Variants in NNMT observed in about 807,000 individuals in gnomAD.
NNMT encodes the protein nicotinamide N-methyltransferase.
A neutral mutation model predicts 11.7 loss-of-function variants in NNMT; 10 were observed. That is an observed-to-expected ratio of 0.85 (90% confidence interval 0.53 to 1.45). The LOEUF (loss-of-function observed/expected upper bound fraction) is 1.45. Among genes scored for constraint, NNMT ranks in the 40% most tolerant of loss-of-function variants. The pLI is 0.00. For synonymous variants in NNMT, 143 were observed against 133.8 expected (o/e 1.07, Z -0.48); for missense variants, 381 against 319.4 (o/e 1.19, Z -1.47).
intron 2 of NNMT, 24 bp downstream of exon 2, chr11:114,298,182 T>C (rs751814657): frequency 1.2e-6 from 2 of 1,610,314 alleles, no homozygotes; most frequent in Non-Finnish European, 1.7e-6. Context: ...TGTCTACTTC[T>C]TGGCTTTTGA....
At chr11:114,265,963 A>G (rs139375665) in intron 2 of NNMT, among the ~76,000 whole-genome samples, 1 of 152,218 alleles carries the variant, frequency 6.6e-6, no homozygotes, top group Non-Finnish European at 1.5e-5. Flanking sequence ...TTGTCACAGT[A>G]CTGAGTCTCT....
At chr11:114,281,283 C>G (rs1201700345) in intron 2 of NNMT, among the ~76,000 whole-genome samples, 1 of 152,088 alleles carries the variant, frequency 6.6e-6, no homozygotes, top group Non-Finnish European at 1.5e-5. Context: ...GCGTTAGGGC[C>G]CATGCAAGTG....
chr11:114,270,698 G>A (rs1945162585), intron 2 of NNMT, among the ~76,000 whole-genome samples: 1 of 152,056 alleles, frequency 6.6e-6, no homozygotes. Flanking sequence ...TTCTCTGTGT[G>A]TGTTTCCCTC....
chr11:114,296,644 A>T lies in NNMT; in HGVS notation c.88A>T (p.Arg30Trp). ...AGAAAAATATTACAAGTTTGGTTCT[A>T]GGCACTCTGCAGAAAGCCAGATTCT... ...YLEKYYKFGS[R>W]HSAESQILKH... The change falls in exon 1 of 3, where the codon AGG becomes TGG. Residue 30 changes from arginine (R) to tryptophan (W), a missense_variant. By Grantham distance (101) the Arg-to-Trp change is moderately radical (BLOSUM62 -3). Coordinates refer to ENST00000299964, the MANE Select transcript of NNMT (RefSeq NM_006169.3). The T allele has an allele frequency of 6.2e-7, 1 of 1,614,208 alleles. No individual in the cohort carries two copies. The highest frequency in any genetic ancestry group is 8.5e-7 in the Non-Finnish European group (1 of 1,180,028).
At position 114,298,136 on chromosome 11, in the gene NNMT, G is replaced by A. The variant is rs1945402598; in HGVS notation, c.340G>A (p.Val114Met). 1.2e-6 allele frequency: 2 copies of A among 1,614,164 alleles called. No individual in the cohort carries two copies. The highest frequency in any genetic ancestry group is 2.2e-5 in the East Asian group (1 of 44,862). ...TGACTGGTCCCCAGTGGTGACCTAT[G>A]TGTGTGATCTTGAAGGGAACAGGTA... ...AFDWSPVVTYVCDLEGNRVKG... is the reference protein window; with the variant it reads ...AFDWSPVVTYMCDLEGNRVKG... Residue 114 changes from valine to methionine, a missense_variant, in exon 2 of 3, where the codon GTG becomes ATG. Coordinates refer to ENST00000299964, the MANE Select transcript of NNMT (RefSeq NM_006169.3).
intron 2 of NNMT, among the ~76,000 whole-genome samples, chr11:114,307,222 T>A (rs1945500804): frequency 6.6e-6 from 1 of 152,166 alleles, no homozygotes; most frequent in Non-Finnish European, 1.5e-5. Context: ...TCAGAGCACT[T>A]CAAACTCAGT....
chr11:114,262,563 C>A (rs995064303), intron 1 of NNMT, among the ~76,000 whole-genome samples: 1 of 152,164 alleles, frequency 6.6e-6, no homozygotes, highest in Non-Finnish European at 1.5e-5. Flanking sequence ...ACCAGCCAAC[C>A]CCTGCACTTG....
At chr11:114,271,077 C>T (rs1164185818) in intron 2 of NNMT, among the ~76,000 whole-genome samples, 1 of 152,036 alleles carries the variant, frequency 6.6e-6, no homozygotes, top group African/African-American at 2.4e-5. Context: ...ATGCTCGGCT[C>T]CGAATGACCT....
chr11:114,305,975 A>C (rs1945488628), intron 2 of NNMT, among the ~76,000 whole-genome samples: 1 of 152,172 alleles, frequency 6.6e-6, no homozygotes, highest in Admixed American at 6.5e-5. Context: ...ACAATGTAAA[A>C]GTGTTCCTAT....
At chr11:114,277,159 G>T (rs891121737) in intron 2 of NNMT, among the ~76,000 whole-genome samples, 13 of 151,622 alleles carry the variant, frequency 8.6e-5, no homozygotes, top group South Asian at 4.2e-4. Flanking sequence ...GGAGGTGGAG[G>T]TTGCAGTGAG....
At chr11:114,260,430 G>C (rs1318995061) in intron 1 of NNMT, among the ~76,000 whole-genome samples, 1 of 152,188 alleles carries the variant, frequency 6.6e-6, no homozygotes, top group Non-Finnish European at 1.5e-5. Context: ...TGGCAACTTT[G>C]GGAATACAGC....
rs527556149 is a variant in NNMT at position 114,299,330 on chromosome 11, A to AT, written c.362+1172_362+1173insT. On this transcript the variant is annotated intron_variant, in intron 2 of 2. Transcript: ENST00000299964. Reference sequence around the variant, plus strand: ...TTTTTGAAATTTTAATCAAATGTTGAATTTTGTCAAAATTTGTTTGCATTT... The same window carrying AT: ...TTTTTGAAATTTTAATCAAATGTTGATATTTTGTCAAAATTTGTTTGCATTT... Among the ~76,000 whole-genome samples, 490 of 152,264 alleles carry AT rather than the reference A, an allele frequency of 3.2e-3. 9 individuals are homozygous for AT. The highest frequency in any genetic ancestry group is 3.4e-3 in the Middle Eastern group (1 of 294).
intron 2 of NNMT, among the ~76,000 whole-genome samples, chr11:114,264,330 A>G (rs577019462): frequency 6.6e-6 from 1 of 152,036 alleles, no homozygotes; most frequent in Non-Finnish European, 1.5e-5. Flanking sequence ...ACAATTTCCA[A>G]TTTGAGTTTT....
intron 2 of NNMT, among the ~76,000 whole-genome samples, chr11:114,278,075 G>A (rs564075006): frequency 6.6e-6 from 1 of 152,290 alleles, no homozygotes; most frequent in Non-Finnish European, 1.5e-5. Context: ...CCTGAGACTG[G>A]GTAAATTTAT....
At chr11:114,273,904 A>G (rs1179121272) in intron 2 of NNMT, among the ~76,000 whole-genome samples, 1 of 152,152 alleles carries the variant, frequency 6.6e-6, no homozygotes, top group East Asian at 1.9e-4. Flanking sequence ...TTCAGTGAAG[A>G]ACAATTGGAA....
In NNMT at chr11:114,278,588, G is replaced by A. The variant is rs559770219; in HGVS notation, c.-130+15654G>A. The stretch of plus-strand genomic sequence containing the variant: ...GAGTACCAGAGGTGACTGTTGGTAG[G>A]GGTGGGAGGTGGACCTAATACTCAT... On this transcript the variant is annotated intron_variant, in intron 2 of 4. Coordinates refer to the NNMT transcript ENST00000535401. Among the ~76,000 whole-genome samples the A allele has an allele frequency of 2.0e-4, 30 of 151,876 alleles. 1 individual carries two copies. The highest frequency in any genetic ancestry group is 7.2e-4 in the African/African-American group (30 of 41,404).
Position 114,298,014 on chromosome 11 carries a change from C to G in NNMT, c.218C>G (p.Ser73Cys), listed in dbSNP as rs750737109. 28 of 1,614,050 alleles carry G rather than the reference C, an allele frequency of 1.7e-5. 1 individual carries two copies. In the Admixed American group the frequency reaches 4.5e-4, roughly 26 times the overall value. Residue 73 changes from serine (S) to cysteine (C), a missense_variant, in exon 2 of 3, where the codon TCT (serine) becomes TGT (cysteine). Coordinates refer to ENST00000299964, the MANE Select transcript of NNMT (RefSeq NM_006169.3). ...GGCCCCACTATCTATCAGCTCCTCT[C>G]TGCTTGTGAATCCTTTAAGGAGATC... Reference protein sequence around the residue: ...GSGPTIYQLLSACESFKEIVV... With the variant: ...GSGPTIYQLLCACESFKEIVV...
At chr11:114,276,422 G>A (rs1945214018) in intron 2 of NNMT, among the ~76,000 whole-genome samples, 1 of 152,188 alleles carries the variant, frequency 6.6e-6, no homozygotes, top group African/African-American at 2.4e-5. Context: ...GGAGCTAGGA[G>A]TGCACAGGGG....
At chr11:114,306,022 CT>C (rs1205238156) in intron 2 of NNMT, among the ~76,000 whole-genome samples, 4 of 152,186 alleles carry the variant, frequency 2.6e-5, no homozygotes, top group Non-Finnish European at 5.9e-5. Flanking sequence ...TGTTTCCTGA[CT>C]TTTTAATGAT....
Sources: gnomAD v4.1 joint callset for allele counts (sites outside exome capture counted in the v4.1 genomes callset) on GRCh38, gnomAD v4.1.1 for gene constraint, MANE v1.5 for transcripts, NCBI Gene and HGNC (gene_info 2026-07-23, HGNC 2026-07-21) for gene names.